Variants in NTRK1 observed in about 807,000 individuals in gnomAD.
NTRK1 encodes the protein high affinity nerve growth factor receptor.
In NTRK1, 62 loss-of-function variants were observed where a neutral mutation model predicts 86.8. The ratio of observed to expected loss-of-function variants is 0.71; its 90% confidence interval spans 0.58 to 0.88. The LOEUF is 0.88. NTRK1 is among the 40% of genes least tolerant of loss of function. NTRK1 has a pLI of 0.00. For missense variants in NTRK1, 967 were observed against 1,078.4 expected (o/e 0.90, Z 1.45); for synonymous variants, 469 against 456.6 (o/e 1.03, Z -0.35).
At chr1:156,831,328 C>G (rs1654463140) in intron 1 of NTRK1, among the ~76,000 whole-genome samples, 1 of 152,202 alleles carries the variant, frequency 6.6e-6, no homozygotes, top group South Asian at 2.1e-4. Flanking sequence ...CTTCTCGCTC[C>G]TGCTGTGTGT....
chr1:156,867,822 C>T (rs557981240), intron 4 of NTRK1, among the ~76,000 whole-genome samples: 23 of 151,844 alleles, frequency 1.5e-4, no homozygotes, highest in South Asian at 4.2e-4. Context: ...TACAGGTGCC[C>T]GCCACCATGC....
chr1:156,826,694 C>G (rs1654327238), intron 1 of NTRK1, among the ~76,000 whole-genome samples: 1 of 152,192 alleles, frequency 6.6e-6, no homozygotes, highest in South Asian at 2.1e-4. Flanking sequence ...CAGCCCAAAC[C>G]CTATCCTTGC....
In NTRK1 at chr1:156,876,418, G is replaced by A. The variant is rs759471657; in HGVS notation, c.1651G>A (p.Glu551Lys). ...CATCCAGGCACTGAAGGAGGCGTCC[G>A]AGAGTGCTCGGCAGGACTTCCAGCG... ...VAVKALKEASESARQDFQREA... is the reference protein window; with the variant it reads ...VAVKALKEASKSARQDFQREA... The change falls in exon 14 of 17, where the codon GAG (glutamate) becomes AAG (lysine). Residue 551 changes from glutamate to lysine, a missense_variant. Glu to Lys is a moderately conservative substitution (Grantham distance 56). Transcript: ENST00000524377. 2.5e-6 allele frequency: 4 copies of A among 1,613,724 alleles called. No homozygotes were observed. The highest frequency in any genetic ancestry group is 3.3e-5 in the Admixed American group (2 of 60,000).
intron 2 of NTRK1, among the ~76,000 whole-genome samples, chr1:156,852,396 C>T (rs1178732555): frequency 1.3e-5 from 2 of 152,268 alleles, no homozygotes; most frequent in African/African-American, 2.4e-5. Flanking sequence ...GGCTCCCCAC[C>T]TCCCACAGTG....
Position 156,826,293 on chromosome 1 carries a change from CTTTTTTTTTT to C in NTRK1, c.-64+10469_-64+10478del, listed in dbSNP as rs386368405. Among the ~76,000 whole-genome samples the C allele has an allele frequency of 2.3e-4, 20 of 88,454 alleles. No individual in the cohort carries two copies. In the South Asian group the frequency reaches 4.3e-3, roughly 19 times the overall value. 58.0% of individuals were successfully genotyped at this position (88,454 alleles called of 152,430 possible). The stretch of plus-strand genomic sequence containing the variant: ...ACGTTGTCCAGGCTAGACTTGAGCT[CTTTTTTTTTT>C]TTTTTTTTTTTTTCTGAGATGGAGT... On this transcript the variant is annotated intron_variant, in intron 1 of 16. Transcript: ENST00000392302.
intron 2 of NTRK1, chr1:156,842,426 T>C (rs1285620429): frequency 6.2e-7 from 1 of 1,614,110 alleles, no homozygotes; most frequent in South Asian, 1.1e-5. Context: ...AGATCGAAGA[T>C]GGCTCTTGAG....
At chr1:156,880,541 T>A (rs907115208) in intron 16 of NTRK1, 72 of 249,992 alleles carry the variant, frequency 2.9e-4, no homozygotes, top group Middle Eastern at 1.4e-3. Flanking sequence ...CGGCTGGAGG[T>A]TAGACTGTCA....
intron 2 of NTRK1, chr1:156,845,984 C>A (rs1213539026): frequency 1.2e-6 from 2 of 1,613,418 alleles, no homozygotes; most frequent in Non-Finnish European, 1.7e-6. Context: ...GTAGAGGTCG[C>A]CGTCCTCTGC....
chr1:156,846,145 CAG>C (rs753948506), intron 2 of NTRK1: 1 of 1,556,410 alleles, frequency 6.4e-7, no homozygotes, highest in African/African-American at 1.4e-5. Flanking sequence ...GGATGCAACT[CAG>C]GGGTGTGGGT....
chr1:156,833,160 T>C (rs1419436289), intron 1 of NTRK1, among the ~76,000 whole-genome samples: 1 of 152,252 alleles, frequency 6.6e-6, no homozygotes, highest in Non-Finnish European at 1.5e-5. Flanking sequence ...CATTTATTAG[T>C]TGTGGGACTT....
intron 6 of NTRK1, among the ~76,000 whole-genome samples, chr1:156,870,622 A>G (rs1028317160): frequency 6.6e-6 from 1 of 152,192 alleles, no homozygotes; most frequent in African/African-American, 2.4e-5. Context: ...GAACTCACAT[A>G]TTCCAATGGA....
chr1:156,829,053 C>T (rs748007753), intron 1 of NTRK1, among the ~76,000 whole-genome samples: 5 of 152,152 alleles, frequency 3.3e-5, no homozygotes, highest in Non-Finnish European at 7.3e-5. Flanking sequence ...ACAAGATGTG[C>T]GCAGCCTTGC....
chr1:156,833,426 A>G (rs550062489), intron 1 of NTRK1, among the ~76,000 whole-genome samples: 41 of 152,140 alleles, frequency 2.7e-4, no homozygotes, highest in Non-Finnish European at 5.0e-4. Context: ...GCATGGTGGC[A>G]TACCCCTATA....
At chr1:156,855,600 A>C (rs1170405157) in intron 2 of NTRK1, among the ~76,000 whole-genome samples, 1 of 152,250 alleles carries the variant, frequency 6.6e-6, no homozygotes, top group East Asian at 1.9e-4. Context: ...AGGTGGGAAG[A>C]TTGCTTGAGC....
chr1:156,865,965 C>T (rs1571686856), intron 3 of NTRK1, among the ~76,000 whole-genome samples: 1 of 152,352 alleles, frequency 6.6e-6, no homozygotes, highest in African/African-American at 2.4e-5. Context: ...TGACACTTCA[C>T]GATACTTATG....
In NTRK1 at chr1:156,854,770, A is replaced by G. The variant is rs565660374; in HGVS notation, c.51-9584A>G. The stretch of plus-strand genomic sequence containing the variant: ...CTGGATTGACAGTCATAGCCTCCCA[A>G]ACTGTCTCCCCAGTTCCACCCTTGT... On this transcript the variant is annotated intron_variant, in intron 2 of 16. Transcript: ENST00000392302. The surrounding 1 kb of genome is among the most constrained non-coding windows in gnomAD (Gnocchi z 4.2). Among the ~76,000 whole-genome samples the G allele has an allele frequency of 1.3e-5, 2 of 152,034 alleles. No individual in the cohort carries two copies. The highest frequency in any genetic ancestry group is 1.3e-4 in the Admixed American group (2 of 15,278).
chr1:156,863,292 C>T (rs1488021353), intron 1 of NTRK1, among the ~76,000 whole-genome samples: 4 of 152,166 alleles, frequency 2.6e-5, no homozygotes, highest in African/African-American at 9.7e-5. Flanking sequence ...TTCCTTCTTG[C>T]CTGTCACTAT....
At chr1:156,879,022 G>A (rs899297184) in intron 14 of NTRK1, 100 bp from the exon 15 acceptor site, 2 of 1,410,756 alleles carry the variant, frequency 1.4e-6, no homozygotes, top group South Asian at 2.6e-5. Context: ...CAGGTCCCCA[G>A]TCTCCTCTCC....
intron 1 of NTRK1, among the ~76,000 whole-genome samples, chr1:156,828,297 A>G (rs937258098): frequency 2.0e-5 from 3 of 152,150 alleles, no homozygotes; most frequent in African/African-American, 7.2e-5. Flanking sequence ...TATTTTCTTC[A>G]TTTGTTTCCA....
Sources: allele counts gnomAD v4.1 joint callset (sites outside exome capture counted in the v4.1 genomes callset), GRCh38; gene constraint gnomAD v4.1.1; non-coding constraint Gnocchi (gnomAD v3.1); transcripts MANE v1.5; gene names NCBI Gene and HGNC (gene_info 2026-07-23, HGNC 2026-07-21).